PCDH11X: variants seen among roughly 807,000 people sequenced by gnomAD.
The protein encoded by PCDH11X is protocadherin-11 X-linked.
PCDH11X carries 18 observed loss-of-function variants against 53.3 expected under a neutral mutation model. That is an observed-to-expected ratio of 0.34 (90% CI 0.23 to 0.50). The LOEUF is 0.50. PCDH11X is among the 20% of genes least tolerant of loss of function. PCDH11X has a pLI of 0.98. For synonymous variants in PCDH11X, 279 were observed against 393.3 expected, an observed-to-expected ratio of 0.71 and a Z score of 3.44; for missense variants, 570 against 1,032.4, an observed-to-expected ratio of 0.55 and a Z score of 6.14.
chrX:92,560,619 C>T lies in PCDH11X; in HGVS notation c.3368-57645C>T, dbSNP rs1211438429. 9.4e-4 allele frequency among the ~76,000 whole-genome samples: 103 copies of T among 109,060 alleles called. 1 individual carries two copies. Among genetic ancestry groups the T allele is most frequent in the African/African-American group, 3.4e-3 (100 of 29,279 alleles). 94.7% of individuals were successfully genotyped at this position (109,060 alleles called of 115,157 possible). A position where few individuals can be genotyped will look rare whatever the true frequency, so the allele number is the denominator to read the frequency against. On this transcript the variant is annotated intron_variant, in intron 10 of 10. Transcript: ENST00000682573. ...AGCAGTCACCACAAGCTGACTTGGT[C>T]TTTAAGTGAACATCAGTGGTGATCT...
chrX:92,525,318 AC>A (rs781231613), intron 10 of PCDH11X, among the ~76,000 whole-genome samples: 2 of 111,600 alleles, frequency 1.8e-5, no homozygotes, highest in Non-Finnish European at 3.8e-5. Flanking sequence ...GCATGAAATT[AC>A]CAAAGTAAGA....
intron 10 of PCDH11X, among the ~76,000 whole-genome samples, chrX:92,617,150 C>T (rs1044079602): frequency 1.3e-4 from 15 of 111,507 alleles, no homozygotes; most frequent in African/African-American, 4.2e-4. Context: ...CTTTGAATAT[C>T]GTGTCAGCTG....
chrX:91,909,595 AT>A (rs1204832472), intron 6 of PCDH11X, among the ~76,000 whole-genome samples: 1 of 108,113 alleles, frequency 9.2e-6, no homozygotes, highest in Non-Finnish European at 1.9e-5. Context: ...CAGGCTAAAA[AT>A]TTTTTATTTA....
chrX:92,397,893 A>C (rs1167207525), intron 9 of PCDH11X, among the ~76,000 whole-genome samples: 6 of 111,738 alleles, frequency 5.4e-5, no homozygotes, highest in Non-Finnish European at 1.1e-4. Flanking sequence ...CTCTTCCCCC[A>C]GTTGATTATG....
At chrX:92,318,187 T>G (rs2069121754) in intron 8 of PCDH11X, among the ~76,000 whole-genome samples, 1 of 111,768 alleles carries the variant, frequency 8.9e-6, no homozygotes, top group African/African-American at 3.2e-5. Context: ...AAATACACTA[T>G]CTGGATGAAA....
At chrX:92,274,597 G>C (rs968870335) in intron 8 of PCDH11X, among the ~76,000 whole-genome samples, 13 of 111,284 alleles carry the variant, frequency 1.2e-4, no homozygotes, top group African/African-American at 2.0e-4. Flanking sequence ...CCAGTCCTGG[G>C]TGGGAGCAAA....
At chrX:92,212,869 A>G (rs1489410966) in intron 7 of PCDH11X, among the ~76,000 whole-genome samples, 1 of 39,246 alleles carries the variant, frequency 2.5e-5, no homozygotes, top group Non-Finnish European at 6.1e-5. Context: ...TCAAAACCCA[A>G]CACACTTATC....
At chrX:92,264,750 T>C (rs1288451038) in intron 8 of PCDH11X, among the ~76,000 whole-genome samples, 1 of 110,812 alleles carries the variant, frequency 9.0e-6, no homozygotes, top group Non-Finnish European at 1.9e-5. Context: ...CTCCTGCATA[T>C]AGAACTCTGG....
intron 10 of PCDH11X, among the ~76,000 whole-genome samples, chrX:92,514,904 A>G (rs1434675497): frequency 2.1e-5 from 2 of 95,070 alleles, no homozygotes; most frequent in East Asian, 3.5e-4. Flanking sequence ...AAAATTAGCC[A>G]GGCGTGGTGG....
At chrX:92,518,699 G>C (rs1385760976) in intron 10 of PCDH11X, among the ~76,000 whole-genome samples, 1 of 106,966 alleles carries the variant, frequency 9.3e-6, no homozygotes, top group African/African-American at 3.4e-5. Context: ...AAGTTCCCTA[G>C]ATACAAATTA....
At chrX:92,567,101 A>G (rs1921566660) in intron 10 of PCDH11X, among the ~76,000 whole-genome samples, 1 of 99,374 alleles carries the variant, frequency 1.0e-5, no homozygotes, top group African/African-American at 3.7e-5. Flanking sequence ...TTTCTGGTCT[A>G]TACAGGCTCC....
intron 6 of PCDH11X, among the ~76,000 whole-genome samples, chrX:91,999,992 A>G (rs1220330607): frequency 9.0e-6 from 1 of 111,362 alleles, no homozygotes. Flanking sequence ...GTCTAGGTTA[A>G]TGACTGAAGA....
At chrX:92,002,628 A>G (rs1373247740) in intron 6 of PCDH11X, among the ~76,000 whole-genome samples, 1 of 109,638 alleles carries the variant, frequency 9.1e-6, no homozygotes, top group Non-Finnish European at 1.9e-5. Flanking sequence ...TTGGTTAATT[A>G]CTAGGTAATT....
intron 7 of PCDH11X, among the ~76,000 whole-genome samples, chrX:92,228,524 G>C (rs1236029526): frequency 9.0e-6 from 1 of 111,207 alleles, no homozygotes; most frequent in African/African-American, 3.3e-5. Flanking sequence ...TTTGGAAACA[G>C]TCAAACCCGG....
chrX:92,170,791 T>G (rs1272561766), intron 6 of PCDH11X, among the ~76,000 whole-genome samples: 1 of 101,369 alleles, frequency 9.9e-6, no homozygotes, highest in Non-Finnish European at 2.0e-5. Context: ...TGTTTTTTTG[T>G]TTTTTGTTTT....
chrX:91,821,153 C>T (rs989149299), intron 4 of PCDH11X, among the ~76,000 whole-genome samples: 18 of 107,075 alleles, frequency 1.7e-4, no homozygotes, highest in African/African-American at 4.4e-4. Flanking sequence ...CTTGGCGATG[C>T]GGGCTCTTTT....
intron 10 of PCDH11X, among the ~76,000 whole-genome samples, chrX:92,592,071 C>T (rs2148798152): frequency 1.1e-5 from 1 of 88,405 alleles, no homozygotes; most frequent in African/African-American, 4.2e-5. Context: ...GGTTCCTGAG[C>T]AGTTAAAATC....
chrX:92,584,937 G>A (rs1009904495), intron 10 of PCDH11X, among the ~76,000 whole-genome samples: 2 of 108,610 alleles, frequency 1.8e-5, no homozygotes, highest in Non-Finnish European at 3.8e-5. Context: ...GGGATTACAG[G>A]CGTGTGCCAT....
chrX:91,984,501 G>A (rs1326615937), intron 6 of PCDH11X, among the ~76,000 whole-genome samples: 1 of 106,012 alleles, frequency 9.4e-6, no homozygotes, highest in Admixed American at 1.0e-4. Flanking sequence ...TGAACTCTGA[G>A]CTAATCTTCA....
Sources: allele counts gnomAD v4.1 joint callset (sites outside exome capture counted in the v4.1 genomes callset), GRCh38; gene constraint gnomAD v4.1.1; transcripts MANE v1.5; gene names NCBI Gene and HGNC (gene_info 2026-07-23, HGNC 2026-07-21).